The following AUTS2 variants were observed in gnomAD, a reference collection of about 807,000 sequenced individuals.
The protein encoded by AUTS2 is activator of transcription and developmental regulator AUTS2, also known as autism susceptibility gene 2 protein.
A neutral mutation model predicts 112.4 loss-of-function variants in AUTS2; 17 were observed. The observed-to-expected ratio is 0.15, with a 90% CI of 0.10 to 0.23. The LOEUF is 0.23. AUTS2 is among the 10% of genes least tolerant of loss of function. AUTS2 has a pLI of 1.00. For missense variants in AUTS2, 1,510 were observed against 1,701.6 expected (o/e 0.89, Z 1.98); for synonymous variants, 751 against 702.7 (o/e 1.07, Z -1.09).
chr7:70,747,729 G>T (rs376714099), intron 6 of AUTS2, among the ~76,000 whole-genome samples: 3 of 151,746 alleles, frequency 2.0e-5, no homozygotes, highest in Non-Finnish European at 4.4e-5. Context: ...CAGGTGATCC[G>T]CCCGCCTCAG....
chr7:70,465,033 G>C (rs996892110), intron 5 of AUTS2, among the ~76,000 whole-genome samples: 1 of 152,116 alleles, frequency 6.6e-6, no homozygotes, highest in Non-Finnish European at 1.5e-5. Flanking sequence ...GAGAGAGGGA[G>C]AGAGAAGAGA....
At chr7:70,273,044 T>C (rs1488725790) in intron 4 of AUTS2, among the ~76,000 whole-genome samples, 1 of 152,142 alleles carries the variant, frequency 6.6e-6, no homozygotes, top group East Asian at 1.9e-4. Context: ...ACTTTGTGTC[T>C]GATTTATTTA....
intron 2 of AUTS2, among the ~76,000 whole-genome samples, chr7:69,935,487 G>A (rs1388660167): frequency 6.6e-6 from 1 of 152,168 alleles, no homozygotes; most frequent in Non-Finnish European, 1.5e-5. Flanking sequence ...AGTTGGAAAA[G>A]TGCCAGCCTA....
chr7:70,788,745 AG>A (rs1791680649), intron 18 of AUTS2, among the ~76,000 whole-genome samples: 1 of 152,236 alleles, frequency 6.6e-6, no homozygotes, highest in Admixed American at 6.5e-5. Context: ...CAGCCCTTAT[AG>A]GGGAGCCTCC....
At chr7:70,212,208 C>T (rs1810944704) in intron 4 of AUTS2, among the ~76,000 whole-genome samples, 1 of 152,164 alleles carries the variant, frequency 6.6e-6, no homozygotes, top group Non-Finnish European at 1.5e-5. Context: ...TAAATTGATG[C>T]CAAATTTAGA....
intron 2 of AUTS2, among the ~76,000 whole-genome samples, chr7:70,029,335 G>T: frequency 7.4e-6 from 1 of 134,712 alleles, no homozygotes. Flanking sequence ...AATTTTTTCT[G>T]TTTTTTATTT....
chr7:70,029,992 T>C (rs1282471449), intron 2 of AUTS2, among the ~76,000 whole-genome samples: 1 of 152,196 alleles, frequency 6.6e-6, no homozygotes, highest in Non-Finnish European at 1.5e-5. Flanking sequence ...CATCCAAAGA[T>C]ACACACCTGC....
At chr7:70,181,492 TC>T (rs1809299205) in intron 4 of AUTS2, among the ~76,000 whole-genome samples, 1 of 151,232 alleles carries the variant, frequency 6.6e-6, no homozygotes, top group Non-Finnish European at 1.5e-5. Flanking sequence ...CTTTTTTTTT[TC>T]TTTTTTTTTT....
chr7:70,711,148 G>A (rs574386571), intron 6 of AUTS2, among the ~76,000 whole-genome samples: 3 of 152,298 alleles, frequency 2.0e-5, no homozygotes, highest in South Asian at 4.1e-4. Context: ...CACACCTTCG[G>A]GTCAGGCTCA....
intron 2 of AUTS2, among the ~76,000 whole-genome samples, chr7:69,971,962 A>G (rs1363853844): frequency 2.0e-5 from 3 of 152,162 alleles, no homozygotes; most frequent in Non-Finnish European, 4.4e-5. Flanking sequence ...GTTGCTGGGT[A>G]GTATGTATAG....
intron 6 of AUTS2, among the ~76,000 whole-genome samples, chr7:70,739,868 G>A (rs913229878): frequency 6.7e-6 from 1 of 148,634 alleles, no homozygotes; most frequent in South Asian, 2.1e-4. Flanking sequence ...CCATGTAGTT[G>A]TTCCCCTTGG....
chr7:70,652,742 T>A (rs1445881648), intron 5 of AUTS2, among the ~76,000 whole-genome samples: 2 of 150,380 alleles, frequency 1.3e-5, no homozygotes, highest in East Asian at 4.0e-4. Context: ...AAAAGAATGG[T>A]TTTATTGGTG....
At chr7:69,724,439 A>G (rs1164694421) in intron 1 of AUTS2, among the ~76,000 whole-genome samples, 1 of 152,112 alleles carries the variant, frequency 6.6e-6, no homozygotes, top group Non-Finnish European at 1.5e-5. Flanking sequence ...TGTCTCTTTA[A>G]TCTCTCATAT....
chr7:70,436,986 A>G (rs1046020838), intron 5 of AUTS2: 2 of 152,246 alleles, frequency 1.3e-5, no homozygotes, highest in Non-Finnish European at 2.9e-5. Context: ...CCTGACTTGG[A>G]TGATAGACCA....
At chr7:70,197,561 G>T (rs536312913) in intron 4 of AUTS2, among the ~76,000 whole-genome samples, 3 of 115,034 alleles carry the variant, frequency 2.6e-5, no homozygotes, top group Non-Finnish European at 5.4e-5. Flanking sequence ...TTCCCTTTCC[G>T]AGTCAAAGAA....
intron 4 of AUTS2, among the ~76,000 whole-genome samples, chr7:70,388,565 G>T (rs1472345108): frequency 1.3e-5 from 2 of 152,188 alleles, no homozygotes; most frequent in African/African-American, 2.4e-5. Flanking sequence ...AAGCTTGAGA[G>T]AATTGTAGCA....
intron 1 of AUTS2, among the ~76,000 whole-genome samples, chr7:69,668,296 A>G (rs1796162714): frequency 6.6e-6 from 1 of 152,228 alleles, no homozygotes; most frequent in African/African-American, 2.4e-5. Flanking sequence ...ATTTCATATC[A>G]TGAAGAAAGT....
At chr7:70,641,499 C>T (rs574239567) in intron 5 of AUTS2, among the ~76,000 whole-genome samples, 1 of 152,222 alleles carries the variant, frequency 6.6e-6, no homozygotes, top group South Asian at 2.1e-4. Flanking sequence ...TTGCAGTGAG[C>T]GGAGATCGCA....
At position 69,985,150 on chromosome 7, in the gene AUTS2, G is replaced by A. The variant is rs548458255; in HGVS notation, c.522+85652G>A. ...GGAGCCTGAGGCAGGAGGATCACTT[G>A]AACCCAGGAGGTCTAGGCCACAGTG... On this transcript the variant is annotated intron_variant, in intron 2 of 18. Transcript: ENST00000342771. Among the ~76,000 whole-genome samples the A allele has an allele frequency of 4.0e-5, 6 of 148,270 alleles. 1 individual carries two copies. The South Asian group carries it at 1.3e-3, about 32-fold the overall frequency.
Sources: gnomAD v4.1 joint callset for allele counts (sites outside exome capture counted in the v4.1 genomes callset) on GRCh38, gnomAD v4.1.1 for gene constraint, MANE v1.5 for transcripts, NCBI Gene and HGNC (gene_info 2026-07-23, HGNC 2026-07-21) for gene names.